Variants in HES7 observed in about 807,000 individuals in gnomAD.
HES7 encodes hes family bHLH transcription factor 7, also known as transcription factor HES-7.
In HES7, 8 loss-of-function variants were observed where a neutral mutation model predicts 18.0. The observed-to-expected ratio is 0.45, with a 90% CI of 0.26 to 0.80. HES7 has a LOEUF of 0.80. Ranked by LOEUF, HES7 falls within the 30% of genes least tolerant of loss-of-function variation. HES7 has a pLI of 0.18. For synonymous variants in HES7, 170 were observed against 158.6 expected (o/e 1.07, Z -0.54); for missense variants, 356 against 340.9 (o/e 1.04, Z -0.35).
At position 8,121,490 on chromosome 17, in the gene HES7, C is replaced by T. The variant is rs8076629; in HGVS notation, c.*81G>A. On this transcript the variant is annotated 3_prime_UTR_variant, in exon 4 of 4. Coordinates refer to ENST00000541682, the MANE Select transcript of HES7 (RefSeq NM_001165967.2). The stretch of plus-strand genomic sequence containing the variant: ...CTGCCCTCCCCAACACCTGCTCGCC[C>T]GGACGCCCGGGTCCCTCTGCTGCCC... 3 of 1,215,644 alleles carry T rather than the reference C, an allele frequency of 2.5e-6. No individual in the cohort carries two copies. The highest frequency in any genetic ancestry group is 6.3e-5 in the East Asian group (2 of 31,552). The allele number at this position is 1,215,644 out of a possible 1,614,324, so 75.3% of individuals were successfully genotyped here.
Position 8,122,184 on chromosome 17 carries a change from A to C in HES7, c.227-147T>G. 1 of 931,558 alleles carries C rather than the reference A, an allele frequency of 1.1e-6. No individual in the cohort carries two copies. Among genetic ancestry groups the C allele is most frequent in the Non-Finnish European group, 1.6e-6 (1 of 622,094 alleles). 57.7% of individuals were successfully genotyped at this position (931,558 alleles called of 1,614,324 possible). A position where few individuals can be genotyped will look rare whatever the true frequency, so the allele number is the denominator to read the frequency against. ...GAAAGAGGGAGAAAATGAGGGAGAC[A>C]CAGAGACAGACACGCGCGGGTGTTA... On this transcript the variant is annotated intron_variant, in intron 3 of 3. Transcript: ENST00000541682. The surrounding 1 kb of genome is among the most constrained non-coding windows in gnomAD (Gnocchi z 6.9).
upstream of HES7, among the ~76,000 whole-genome samples, chr17:8,125,834 T>C (rs981798174): frequency 4.6e-5 from 7 of 152,138 alleles, no homozygotes; most frequent in Non-Finnish European, 2.9e-5. Context: ...AGTTTTCTTT[T>C]CTCCCCTCCA....
rs1018004254 is a variant in HES7 at position 8,122,482 on chromosome 17, G to A, written c.139-52C>T. The stretch of plus-strand genomic sequence containing the variant: ...GACAGAAAGGGGTGGGGAGAAAGGG[G>A]GAAAGTGGCAGGGGGAAGAAGGGAG... On this transcript the variant is annotated intron_variant, in intron 2 of 3. Coordinates refer to ENST00000541682, the MANE Select transcript of HES7 (RefSeq NM_001165967.2). The surrounding 1 kb of genome is among the most constrained non-coding windows in gnomAD (Gnocchi z 6.9). 9.2e-6 allele frequency: 12 copies of A among 1,297,908 alleles called. No homozygotes were observed. The highest frequency in any genetic ancestry group is 1.3e-5 in the Non-Finnish European group (12 of 917,170). 80.4% of individuals were successfully genotyped at this position (1,297,908 alleles called of 1,614,324 possible).
rs1043256996 is a variant in HES7 at position 8,123,462 on chromosome 17, G to T, written c.43-336C>A. 1.2e-5 allele frequency: 5 copies of T among 419,976 alleles called. No homozygotes were observed. Among genetic ancestry groups the T allele is most frequent in the Non-Finnish European group, 2.2e-5 (5 of 226,700 alleles). The allele number at this position is 419,976 out of a possible 1,614,324, so 26.0% of individuals were successfully genotyped here. A position where few individuals can be genotyped will look rare whatever the true frequency, so the allele number is the denominator to read the frequency against. ...GGAGAACTTTGGGGACTCTCTGCGC[G>T]CACGCACGTGCGCCGCACGGTGCCG... On this transcript the variant is annotated intron_variant, in intron 1 of 3. Coordinates refer to ENST00000541682, the MANE Select transcript of HES7 (RefSeq NM_001165967.2). This position sits in a 1 kb window ranked among gnomAD's most constrained non-coding sequence, Gnocchi z 5.9.
At chr17:8,125,694 G>A (rs1393461316), upstream of HES7, among the ~76,000 whole-genome samples, 1 of 152,134 alleles carries the variant, frequency 6.6e-6, no homozygotes, top group Non-Finnish European at 1.5e-5. Flanking sequence ...GTCCGGGTCC[G>A]CCTCAACCTC....
At chr17:8,125,264 A>C (rs551507162), upstream of HES7, among the ~76,000 whole-genome samples, 1 of 152,170 alleles carries the variant, frequency 6.6e-6, no homozygotes, top group Admixed American at 6.5e-5. Flanking sequence ...ATCAGAGACC[A>C]ATGGGGTTTC....
chr17:8,122,263 A>T lies in HES7; in HGVS notation c.226+80T>A. On this transcript the variant is annotated intron_variant, in intron 3 of 3. Coordinates refer to ENST00000541682, the MANE Select transcript of HES7 (RefSeq NM_001165967.2). This position sits in a 1 kb window ranked among gnomAD's most constrained non-coding sequence, Gnocchi z 6.9. ...ACTCCCCAAGCCCACCATCCACCGC[A>T]GGGCCCGCCCACTCTGCCCCGGCCG... 8.0e-7 allele frequency: 1 copy of T among 1,255,796 alleles called. No individual in the cohort carries two copies. Among genetic ancestry groups the T allele is most frequent in the Non-Finnish European group, 1.1e-6 (1 of 883,624 alleles). The allele number at this position is 1,255,796 out of a possible 1,614,324, so 77.8% of individuals were successfully genotyped here.
upstream of HES7, among the ~76,000 whole-genome samples, chr17:8,126,149 T>C (rs567257433): frequency 1.4e-4 from 21 of 152,024 alleles, no homozygotes; most frequent in African/African-American, 4.6e-4. Flanking sequence ...CCCTTGTTCT[T>C]TCCACCTCTC....
chr17:8,123,285 C>G lies in HES7; in HGVS notation c.43-159G>C, dbSNP rs376704207. Reference sequence around the variant, plus strand: ...CCCATTCGATCCCTCTCCGCTCCCCCTCCCAATGCCCCTAGATCAGTTTCT... The same window carrying G: ...CCCATTCGATCCCTCTCCGCTCCCCGTCCCAATGCCCCTAGATCAGTTTCT... On this transcript the variant is annotated intron_variant, in intron 1 of 3. Transcript: ENST00000541682. This position sits in a 1 kb window ranked among gnomAD's most constrained non-coding sequence, Gnocchi z 5.9. The G allele has an allele frequency of 2.5e-3, 1,636 of 646,720 alleles. 5 individuals are homozygous for G. Among genetic ancestry groups the G allele is most frequent in the Middle Eastern group, 9.1e-3 (25 of 2,760 alleles). The allele number at this position is 646,720 out of a possible 1,614,324, so 40.1% of individuals were successfully genotyped here.
Position 8,121,364 on chromosome 17 carries a change from G to T in HES7, c.*207C>A. The T allele has an allele frequency of 5.0e-6, 2 of 402,630 alleles. No individual in the cohort carries two copies. Among genetic ancestry groups the T allele is most frequent in the Non-Finnish European group, 8.6e-6 (2 of 231,836 alleles). The allele number at this position is 402,630 out of a possible 1,614,324, so 24.9% of individuals were successfully genotyped here. A position where few individuals can be genotyped will look rare whatever the true frequency, so the allele number is the denominator to read the frequency against. ...GTACAATCCTAGACGCAAGGGAGAA[G>T]TTGGGGCAGGGAAAAGGGACAGGAA... On this transcript the variant is annotated 3_prime_UTR_variant, in exon 4 of 4. Transcript: ENST00000541682.
chr17:8,124,143 G>A, upstream of HES7: 1 of 1,608,710 alleles, frequency 6.2e-7, no homozygotes, highest in Non-Finnish European at 8.5e-7. Context: ...TATATTCCGC[G>A]GCCCAAGGGT....
Position 8,122,986 on chromosome 17 carries a change from C to T in HES7, c.138+45G>A, listed in dbSNP as rs371748968. 2.6e-4 allele frequency: 379 copies of T among 1,484,558 alleles called. 2 individuals are homozygous for T. The highest frequency in any genetic ancestry group is 1.7e-4 in the Middle Eastern group (1 of 5,882). 92.0% of individuals were successfully genotyped at this position (1,484,558 alleles called of 1,614,324 possible). ...CACCCCAGTGGGAAGCCCTGGGACG[C>T]GGAAACGGGAAGCTTGGGGACCTAG... On this transcript the variant is annotated intron_variant, in intron 2 of 3. Transcript: ENST00000541682. This position sits in a 1 kb window ranked among gnomAD's most constrained non-coding sequence, Gnocchi z 6.9.
At position 8,122,906 on chromosome 17, in the gene HES7, C is replaced by T; in HGVS notation, c.138+125G>A. 5 of 753,658 alleles carry T rather than the reference C, an allele frequency of 6.6e-6. No individual in the cohort carries two copies. The highest frequency in any genetic ancestry group is 1.5e-5 in the South Asian group (1 of 67,494). The allele number at this position is 753,658 out of a possible 1,614,324, so 46.7% of individuals were successfully genotyped here. A position where few individuals can be genotyped will look rare whatever the true frequency, so the allele number is the denominator to read the frequency against. On this transcript the variant is annotated intron_variant, in intron 2 of 3. Coordinates refer to ENST00000541682, the MANE Select transcript of HES7 (RefSeq NM_001165967.2). The surrounding 1 kb of genome is among the most constrained non-coding windows in gnomAD (Gnocchi z 6.9). ...GGGGTCTGGGATGGAATTCCAAAGG[C>T]GGGACTCGGGTGAGGATGCCTTGGG...
chr17:8,125,789 G>C (rs1327885505), upstream of HES7, among the ~76,000 whole-genome samples: 1 of 152,226 alleles, frequency 6.6e-6, no homozygotes, highest in Admixed American at 6.5e-5. Context: ...CCACGCGGGA[G>C]GCCCGGGTTC....
Position 8,122,092 on chromosome 17 carries a change from G to T in HES7, c.227-55C>A. ...CAGGGCAGGGGCCCGGCAGGGGTGA[G>T]GGAAGGGGCGGGGCGCAGAGATACC... On this transcript the variant is annotated intron_variant, in intron 3 of 3. Coordinates refer to ENST00000541682, the MANE Select transcript of HES7 (RefSeq NM_001165967.2). This position sits in a 1 kb window ranked among gnomAD's most constrained non-coding sequence, Gnocchi z 6.9. The T allele has an allele frequency of 7.1e-7, 1 of 1,410,862 alleles. No individual in the cohort carries two copies. Among genetic ancestry groups the T allele is most frequent in the Non-Finnish European group, 9.3e-7 (1 of 1,071,094 alleles). 87.4% of individuals were successfully genotyped at this position (1,410,862 alleles called of 1,614,324 possible).
Position 8,124,051 on chromosome 17 carries a change from C to T in HES7, c.34G>A (p.Gly12Ser). The change falls in exon 1 of 4, where the codon GGC (glycine) becomes AGC (serine). Residue 12 changes from glycine (G) to serine (S), a missense_variant. By Grantham distance (56) the Gly-to-Ser change is moderately conservative. Transcript: ENST00000541682. ...CCCCTCCCGCCTCTCACCTTGGGGC[C>T]GTCCCTATTCTCAGCTCGATCCCGG... ...VTRDRAENRD[G>S]PKMLKPLVEK... 1.9e-6 allele frequency: 3 copies of T among 1,614,070 alleles called. No individual in the cohort carries two copies. Among genetic ancestry groups the T allele is most frequent in the Non-Finnish European group, 2.5e-6 (3 of 1,180,020 alleles).
Position 8,123,065 on chromosome 17 carries a change from AG to A in HES7, c.103del (p.Leu35Ter). ...GGTCCGCTCCAGCAGCAGCAGCCTC[AG>A]CTCTTCCAGGCTGCGGTTGATGCGG... ...RDRINRSLEE[L>X]RLLLLERTRD... On this transcript the variant is annotated frameshift_variant, in exon 2 of 4. Coordinates refer to ENST00000541682, the MANE Select transcript of HES7 (RefSeq NM_001165967.2). LOFTEE classifies it high-confidence loss of function. The surrounding 1 kb of genome is among the most constrained non-coding windows in gnomAD (Gnocchi z 5.9). The A allele has an allele frequency of 1.9e-6, 3 of 1,605,458 alleles. No individual in the cohort carries two copies. The highest frequency in any genetic ancestry group is 2.6e-6 in the Non-Finnish European group (3 of 1,176,362).
At chr17:8,125,745 C>T (rs369414184), upstream of HES7, among the ~76,000 whole-genome samples, 78 of 152,308 alleles carry the variant, frequency 5.1e-4, no homozygotes, top group Non-Finnish European at 9.0e-4. Flanking sequence ...CTTTAAGCCG[C>T]GCATTGGTGG....
rs1388083502 is a variant in HES7 at position 8,123,288 on chromosome 17, C to CCA, written c.43-164_43-163dup. ...ATTCGATCCCTCTCCGCTCCCCCTCCCAATGCCCCTAGATCAGTTTCTGTA... is the reference window on the plus strand; with the variant it reads ...ATTCGATCCCTCTCCGCTCCCCCTCCCACAATGCCCCTAGATCAGTTTCTGTA... On this transcript the variant is annotated intron_variant, in intron 1 of 3. Coordinates refer to ENST00000541682, the MANE Select transcript of HES7 (RefSeq NM_001165967.2). This position sits in a 1 kb window ranked among gnomAD's most constrained non-coding sequence, Gnocchi z 5.9. The CCA allele has an allele frequency of 3.1e-6, 2 of 645,548 alleles. No individual in the cohort carries two copies. Among genetic ancestry groups the CCA allele is most frequent in the Non-Finnish European group, 5.6e-6 (2 of 356,078 alleles). The allele number at this position is 645,548 out of a possible 1,614,324, so 40.0% of individuals were successfully genotyped here.
Sources: allele counts gnomAD v4.1 joint callset (sites outside exome capture counted in the v4.1 genomes callset), GRCh38; gene constraint gnomAD v4.1.1; non-coding constraint Gnocchi (gnomAD v3.1); transcripts MANE v1.5; gene names NCBI Gene and HGNC (gene_info 2026-07-23, HGNC 2026-07-21).